METTL2A: variants seen among roughly 807,000 people sequenced by gnomAD.
METTL2A encodes methyltransferase 2A, tRNA N3-cytidine, also known as tRNA N(3)-cytidine methyltransferase METTL2A.
In METTL2A, 45 loss-of-function variants were observed where a neutral mutation model predicts 49.4. That is an observed-to-expected ratio of 0.91 (90% CI 0.72 to 1.17). The LOEUF (loss-of-function observed/expected upper bound fraction) is 1.17, where lower values mean the gene tolerates loss of function less well. METTL2A is among the 50% of genes most tolerant of loss of function. The pLI, the probability that METTL2A is intolerant of heterozygous loss-of-function variation, is 0.00. For missense variants in METTL2A, 361 were observed against 462.2 expected (o/e 0.78, Z 2.01); for synonymous variants, 118 against 167.5 (o/e 0.70, Z 2.28).
chr17:62,433,914 T>C lies in METTL2A; in HGVS notation c.609-1318T>C, dbSNP rs377576433. 1.2e-4 allele frequency among the ~76,000 whole-genome samples: 18 copies of C among 151,920 alleles called. No homozygotes were observed. In the South Asian group the frequency reaches 3.1e-3, roughly 26 times the overall value. Reference sequence around the variant, plus strand: ...CCGTCTCTACTAAAAATACAAAAATTAGCTGGGCACGGTGGTGCGCACCTG... The same window carrying C: ...CCGTCTCTACTAAAAATACAAAAATCAGCTGGGCACGGTGGTGCGCACCTG... On this transcript the variant is annotated intron_variant, in intron 4 of 8. Transcript: ENST00000311506.
In METTL2A at chr17:62,435,229, C is replaced by T. The variant is rs762136464; in HGVS notation, c.609-3C>T. 3.1e-6 allele frequency: 5 copies of T among 1,613,972 alleles called. No individual in the cohort carries two copies. The highest frequency in any genetic ancestry group is 4.2e-6 in the Non-Finnish European group (5 of 1,179,858). On this transcript the variant is annotated splice_region_variant and splice_polypyrimidine_tract_variant and intron_variant, in intron 4 of 8. Coordinates refer to ENST00000311506, the MANE Select transcript of METTL2A (RefSeq NM_181725.4). Reference sequence around the variant, plus strand: ...ATTGTTCTGTCTTTTCTGCCCATTTCAGTGACCCAGGACTCTTTGTTTATT... The same window carrying T: ...ATTGTTCTGTCTTTTCTGCCCATTTTAGTGACCCAGGACTCTTTGTTTATT...
chr17:62,441,478 G>T (rs1449809871), intron 6 of METTL2A, among the ~76,000 whole-genome samples: 2 of 151,886 alleles, frequency 1.3e-5, no homozygotes, highest in Admixed American at 6.6e-5. Flanking sequence ...ATGGAGTCTT[G>T]CCCTGTCGCC....
chr17:62,437,509 G>A (rs1020703717), intron 5 of METTL2A, among the ~76,000 whole-genome samples: 62 of 152,206 alleles, frequency 4.1e-4, no homozygotes, highest in African/African-American at 1.4e-3. Flanking sequence ...CTGTTCAGGG[G>A]TTCATGGTGC....
chr17:62,438,360 T>C (rs2070714796), intron 5 of METTL2A, among the ~76,000 whole-genome samples: 1 of 146,540 alleles, frequency 6.8e-6, no homozygotes, highest in African/African-American at 2.5e-5. Flanking sequence ...TGAGCCAAGA[T>C]CACGCCATTG....
At chr17:62,424,132 C>T in intron 1 of METTL2A, 87 bp from the exon 2 acceptor site, 1 of 1,598,708 alleles carries the variant, frequency 6.3e-7, no homozygotes. Flanking sequence ...AGGCACTCTC[C>T]AAGGGGAGAG....
Position 62,442,757 on chromosome 17 carries a change from TCTC to T in METTL2A, c.809+2005_809+2007del, listed in dbSNP as rs1157031812. ...ATCATGAGATTAGAGACTTCAAACA[TCTC>T]CTCATTCTGTGTCATCAGAGTCCTG... On this transcript the variant is annotated intron_variant, in intron 6 of 8. Transcript: ENST00000311506. 7.2e-5 allele frequency among the ~76,000 whole-genome samples: 11 copies of T among 152,218 alleles called. 1 individual carries two copies. In the South Asian group the frequency reaches 1.5e-3, roughly 20 times the overall value.
Position 62,451,538 on chromosome 17 carries a change from G to A in METTL2A, c.*2809G>A, listed in dbSNP as rs567146777. 7.9e-5 allele frequency among the ~76,000 whole-genome samples: 12 copies of A among 151,470 alleles called. No individual in the cohort carries two copies. In the East Asian group the frequency reaches 1.0e-3, roughly 13 times the overall value. ...AGCACTTTGGGAGGCCAAGGTGGGC[G>A]GATCATTTGAGGTCGGGAGTTCGAG... On this transcript the variant is annotated 3_prime_UTR_variant, in exon 9 of 9. Transcript: ENST00000311506.
rs1567732746 is a variant in METTL2A at position 62,424,314 on chromosome 17, C to T, written c.202+4C>T. Reference sequence around the variant, plus strand: ...CGGGTGTGCCAGGAGAAACAAGGTGCGCTTAAATGGGCTCTCATTGGTATC... The same window carrying T: ...CGGGTGTGCCAGGAGAAACAAGGTGTGCTTAAATGGGCTCTCATTGGTATC... On this transcript the variant is annotated splice_donor_region_variant and intron_variant, in intron 2 of 8. Transcript: ENST00000311506. 2 of 1,613,828 alleles carry T rather than the reference C, an allele frequency of 1.2e-6. No homozygotes were observed. Among genetic ancestry groups the T allele is most frequent in the Non-Finnish European group, 1.7e-6 (2 of 1,179,832 alleles).
chr17:62,449,527 A>G lies in METTL2A; in HGVS notation c.*798A>G, dbSNP rs551003775. The G allele has an allele frequency of 2.7e-6, 1 of 371,572 alleles. No individual in the cohort carries two copies. Among genetic ancestry groups the G allele is most frequent in the African/African-American group, 2.2e-5 (1 of 45,016 alleles). 23.0% of individuals were successfully genotyped at this position (371,572 alleles called of 1,614,324 possible). A position where few individuals can be genotyped will look rare whatever the true frequency, so the allele number is the denominator to read the frequency against. On this transcript the variant is annotated 3_prime_UTR_variant, in exon 9 of 9. Transcript: ENST00000311506. Reference sequence around the variant, plus strand: ...GGAGTTGGAGACCAGCGTGGCCAACATGGTGAAACCCCGTCTCTACTAAAG... The same window carrying G: ...GGAGTTGGAGACCAGCGTGGCCAACGTGGTGAAACCCCGTCTCTACTAAAG...
chr17:62,447,144 C>T (rs2070773829), intron 7 of METTL2A, among the ~76,000 whole-genome samples: 3 of 152,164 alleles, frequency 2.0e-5, no homozygotes, highest in African/African-American at 7.2e-5. Context: ...ATAGGCCAGG[C>T]ACGGTGGCTC....
intron 8 of METTL2A, among the ~76,000 whole-genome samples, chr17:62,448,339 G>A (rs1598038882): frequency 6.6e-6 from 1 of 152,098 alleles, no homozygotes; most frequent in Non-Finnish European, 1.5e-5. Context: ...AGAGCCTAAA[G>A]GCCAAATATA....
chr17:62,451,691 A>G lies in METTL2A; in HGVS notation c.*2962A>G, dbSNP rs1809843816. On this transcript the variant is annotated 3_prime_UTR_variant, in exon 9 of 9. Coordinates refer to ENST00000311506, the MANE Select transcript of METTL2A (RefSeq NM_181725.4). ...TGGATCACCTGAGGTCGGGAGTTGG[A>G]GACCAGCCTGACCAACATGGAGAAA... Among the ~76,000 whole-genome samples, 1 of 151,846 alleles carries G rather than the reference A, an allele frequency of 6.6e-6. No homozygotes were observed. Among genetic ancestry groups the G allele is most frequent in the African/African-American group, 2.4e-5 (1 of 41,402 alleles).
intron 3 of METTL2A, among the ~76,000 whole-genome samples, chr17:62,426,911 C>G (rs1282509602): frequency 1.3e-5 from 2 of 152,218 alleles, no homozygotes. Flanking sequence ...TTAATGGCAT[C>G]ATGCTGTACC....
At chr17:62,433,361 G>T (rs139458223) in intron 4 of METTL2A, among the ~76,000 whole-genome samples, 2,540 of 152,004 alleles carry the variant, frequency 0.017, 29 homozygotes, top group Middle Eastern at 0.024. Flanking sequence ...TTGGACCCAG[G>T]AGTGGAGGTT....
chr17:62,441,593 C>T (rs569514432), intron 6 of METTL2A, among the ~76,000 whole-genome samples: 3 of 150,008 alleles, frequency 2.0e-5, no homozygotes, highest in South Asian at 2.1e-4. Context: ...ATTACAGGCA[C>T]CTGCTACCAT....
chr17:62,437,665 G>A (rs929505861), intron 5 of METTL2A, among the ~76,000 whole-genome samples: 1 of 152,110 alleles, frequency 6.6e-6, no homozygotes, highest in Non-Finnish European at 1.5e-5. Flanking sequence ...GACATTGAGG[G>A]TAGATGCCTT....
At position 62,452,236 on chromosome 17, in the gene METTL2A, C is replaced by T. The variant is rs568457772; in HGVS notation, c.*3507C>T. Among the ~76,000 whole-genome samples, 11 of 152,244 alleles carry T rather than the reference C, an allele frequency of 7.2e-5. No individual in the cohort carries two copies. Among genetic ancestry groups the T allele is most frequent in the African/African-American group, 2.6e-4 (11 of 41,554 alleles). ...GTGTTTCTTCATGATTTGGTTCAGG[C>T]TCTGCATTTTGGGCAGGAATATTCA... On this transcript the variant is annotated 3_prime_UTR_variant, in exon 9 of 9. Coordinates refer to ENST00000311506, the MANE Select transcript of METTL2A (RefSeq NM_181725.4).
chr17:62,441,906 A>G (rs28513602), intron 6 of METTL2A, among the ~76,000 whole-genome samples: 1,553 of 148,472 alleles, frequency 0.01, 19 homozygotes, highest in African/African-American at 0.037. Context: ...ATGCCTGGCT[A>G]ATTTTTGTAT....
chr17:62,437,239 G>A (rs181330545), intron 5 of METTL2A, among the ~76,000 whole-genome samples: 235 of 150,980 alleles, frequency 1.6e-3, no homozygotes, highest in African/African-American at 5.5e-3. Context: ...GGGCTCAGGC[G>A]AACCTGATGA....
Sources: gnomAD v4.1 joint callset for allele counts (sites outside exome capture counted in the v4.1 genomes callset) on GRCh38, gnomAD v4.1.1 for gene constraint, MANE v1.5 for transcripts, NCBI Gene and HGNC (gene_info 2026-07-23, HGNC 2026-07-21) for gene names.